Variants in GRIN3B observed in about 807,000 individuals in gnomAD.
GRIN3B encodes glutamate receptor ionotropic, NMDA 3B.
A neutral mutation model predicts 66.0 loss-of-function variants in GRIN3B; 77 were observed. That is an observed-to-expected ratio of 1.17 (90% CI 0.97 to 1.41). GRIN3B has a LOEUF of 1.41. Ranked by LOEUF, GRIN3B falls within the 40% of genes most tolerant of loss-of-function variation. The pLI is 0.00. For missense variants in GRIN3B, 1,787 were observed against 1,564.5 expected, an observed-to-expected ratio of 1.14 and a Z score of -2.40; for synonymous variants, 823 against 749.7, an observed-to-expected ratio of 1.10 and a Z score of -1.60.
At chr19:1,006,109 CAA>C (rs1286368532) in intron 3 of GRIN3B, among the ~76,000 whole-genome samples, 2 of 151,854 alleles carry the variant, frequency 1.3e-5, no homozygotes, top group Non-Finnish European at 2.9e-5. Context: ...CTTGGCCTCC[CAA>C]AGTGCTGGGA....
At chr19:1,006,419 C>G (rs2038749650) in intron 3 of GRIN3B, among the ~76,000 whole-genome samples, 2 of 151,336 alleles carry the variant, frequency 1.3e-5, no homozygotes, top group South Asian at 4.2e-4. Flanking sequence ...GCTGGGATCA[C>G]AGGTGTGAGC....
chr19:1,003,402 C>A lies in GRIN3B; in HGVS notation c.699C>A (p.Pro233=). 1 of 1,553,442 alleles carries A rather than the reference C, an allele frequency of 6.4e-7. No homozygotes were observed. The highest frequency in any genetic ancestry group is 8.7e-7 in the Non-Finnish European group (1 of 1,154,888). ...CAGTGGGGGGTGAAGCACCGGTACC[C>A]GCGGCGGTCCTCCTCGGCTGTGACA... ...AAPVGGEAPV[P]AAVLLGCDIA... Residue 233 remains proline (P), a synonymous_variant, in exon 2 of 9, where the codon CCC becomes CCA. Transcript: ENST00000234389.
In GRIN3B at chr19:1,008,771, C is replaced by T. The variant is rs1203397974; in HGVS notation, c.2620C>T (p.His874Tyr). 7.5e-6 allele frequency: 12 copies of T among 1,602,460 alleles called. No individual in the cohort carries two copies. The highest frequency in any genetic ancestry group is 5.4e-5 in the African/African-American group (4 of 74,492). Residue 874 changes from histidine to tyrosine, a missense_variant, in exon 7 of 9, where the codon CAC (histidine) becomes TAC (tyrosine). Transcript: ENST00000234389. Reference sequence around the variant, plus strand: ...GGGGAGCAGGCTGCAGTACTGGCTGCACACCAGCCAGGTGGGGAGCGGGTG... The same window carrying T: ...GGGGAGCAGGCTGCAGTACTGGCTGTACACCAGCCAGGTGGGGAGCGGGTG... Reference protein sequence around the residue: ...RKGSRLQYWLHTSQKIHRALN... With the variant: ...RKGSRLQYWLYTSQKIHRALN...
At chr19:1,002,967 G>C (rs1480451105) in intron 1 of GRIN3B, among the ~76,000 whole-genome samples, 163 bp from the exon 2 acceptor site, 2 of 152,174 alleles carry the variant, frequency 1.3e-5, no homozygotes, top group African/African-American at 4.8e-5. Context: ...GATGGTGATG[G>C]GGAACGATGG....
intron 1 of GRIN3B, chr19:1,002,587 T>C (rs1568389262): frequency 6.6e-6 from 1 of 152,568 alleles, no homozygotes; most frequent in Non-Finnish European, 1.5e-5. Flanking sequence ...TAGGGGAAGC[T>C]ACCTGGTTTG....
rs1013435036 is a variant in GRIN3B, at chr19:1,005,717, T to C, written c.2052+164T>C. ...ATTAATTTATTTATTTAAAGAAAAA[T>C]AGCCGGGCGCGGTGGCTCACGCCTG... On this transcript the variant is annotated intron_variant, in intron 3 of 8. Coordinates refer to ENST00000234389, the MANE Select transcript of GRIN3B (RefSeq NM_138690.3). This position sits in a 1 kb window ranked among gnomAD's most constrained non-coding sequence, Gnocchi z 5.2. 1.3e-5 allele frequency among the ~76,000 whole-genome samples: 2 copies of C among 152,078 alleles called. No homozygotes were observed. The highest frequency in any genetic ancestry group is 6.6e-5 in the Admixed American group (1 of 15,254).
chr19:1,004,163 A>G (rs1490173166), intron 2 of GRIN3B, among the ~76,000 whole-genome samples: 1 of 152,234 alleles, frequency 6.6e-6, no homozygotes, highest in East Asian at 1.9e-4. Context: ...TATCTCAGGG[A>G]CAGCAGAGAA....
At position 1,009,260 on chromosome 19, in the gene GRIN3B, G is replaced by T; in HGVS notation, c.2790G>T (p.Lys930Asn). 1 of 1,427,748 alleles carries T rather than the reference G, an allele frequency of 7.0e-7. No homozygotes were observed. The highest frequency in any genetic ancestry group is 9.1e-7 in the Non-Finnish European group (1 of 1,101,888). 88.4% of individuals were successfully genotyped at this position (1,427,748 alleles called of 1,614,324 possible). A position where few individuals can be genotyped will look rare whatever the true frequency, so the allele number is the denominator to read the frequency against. ...GWKRARRAVD[K>N]ERRVRFLLEP... ...AACGGGCGCGCCGGGCCGTGGACAA[G>T]GAGCGCCGCGTGCGCTTCCTGCTGG... Residue 930 changes from lysine (K) to asparagine (N), a missense_variant, in exon 9 of 9, where the codon AAG becomes AAT. Transcript: ENST00000234389.
At position 1,005,254 on chromosome 19, in the gene GRIN3B, C is replaced by T. The variant is rs762476750; in HGVS notation, c.1753C>T (p.Leu585=). The T allele has an allele frequency of 6.2e-7, 1 of 1,613,396 alleles. No homozygotes were observed. Among genetic ancestry groups the T allele is most frequent in the Non-Finnish European group, 8.5e-7 (1 of 1,179,912 alleles). The change falls in exon 3 of 9, where the codon CTG becomes TTG. Residue 585 remains leucine (L), a synonymous_variant. Transcript: ENST00000234389. This position sits in a 1 kb window ranked among gnomAD's most constrained non-coding sequence, Gnocchi z 5.2. ...CACGTGGCTGGGCGTCTTTGCGGCCCTGCACCTCACCGCGCTCTTCCTCAC... is the reference window on the plus strand; with the variant it reads ...CACGTGGCTGGGCGTCTTTGCGGCCTTGCACCTCACCGCGCTCTTCCTCAC... ...WSTWLGVFAA[L]HLTALFLTVY...
rs75794325 is a variant in GRIN3B at position 1,004,645 on chromosome 19, G to A, written c.1144G>A (p.Ala382Thr). 3.1e-6 allele frequency: 5 copies of A among 1,602,170 alleles called. No individual in the cohort carries two copies. In the South Asian group the frequency reaches 3.3e-5, roughly 11 times the overall value. ...TCGCCGGGACCCACGGGGCGCCCCG[G>A]CCTGGGCCACGGTGGGCAGCTGGCG... ...SLRRDPRGAP[A>T]WATVGSWRDG... The change falls in exon 3 of 9, where the codon GCC (alanine) becomes ACC (threonine). Residue 382 changes from alanine (A) to threonine (T), a missense_variant. Transcript: ENST00000234389.
At chr19:1,004,081 T>C (rs745952462) in intron 2 of GRIN3B, among the ~76,000 whole-genome samples, 10 of 152,188 alleles carry the variant, frequency 6.6e-5, no homozygotes, top group Non-Finnish European at 1.3e-4. Context: ...AGGGACCCTG[T>C]CTCAAACACA....
chr19:1,002,211 C>T (rs1028096719), intron 1 of GRIN3B: 9 of 151,908 alleles, frequency 5.9e-5, no homozygotes, highest in Admixed American at 5.9e-4. Context: ...TGCTTGTAAT[C>T]CCAGCTACTC....
In GRIN3B at chr19:1,004,631, C is replaced by A; in HGVS notation, c.1130C>A (p.Pro377Gln). ...HFKVWSLRRD[P>Q]RGAPAWATVG... ...AAGGTGTGGAGCCTTCGCCGGGACC[C>A]ACGGGGCGCCCCGGCCTGGGCCACG... is the stretch of plus-strand genomic sequence containing the variant. The change falls in exon 3 of 9, where the codon CCA (proline) becomes CAA (glutamine). Residue 377 changes from proline (P) to glutamine (Q), a missense_variant. Transcript: ENST00000234389. 6.2e-7 allele frequency: 1 copy of A among 1,601,924 alleles called. No homozygotes were observed. Among genetic ancestry groups the A allele is most frequent in the Non-Finnish European group, 8.5e-7 (1 of 1,174,912 alleles).
In GRIN3B at chr19:1,005,408, C is replaced by T. The variant is rs200178820; in HGVS notation, c.1907C>T (p.Thr636Met). 3.1e-5 allele frequency: 50 copies of T among 1,613,724 alleles called. No homozygotes were observed. The highest frequency in any genetic ancestry group is 2.4e-4 in the South Asian group (22 of 91,090). The change falls in exon 3 of 9, where the codon ACG (threonine) becomes ATG (methionine). Residue 636 changes from threonine to methionine, a missense_variant. By Grantham distance (81) the Thr-to-Met change is moderately conservative (BLOSUM62 -1). Transcript: ENST00000234389. This position sits in a 1 kb window ranked among gnomAD's most constrained non-coding sequence, Gnocchi z 5.2. ...TTCAGACGCACCGTGTCCAGCAAGA[C>T]GCCCAAGTGCCCCACGGGCCGCCTG... ...ILFRRTVSSK[T>M]PKCPTGRLLM... is the part of the protein sequence containing the mutation.
chr19:1,009,429 G>T lies in GRIN3B; in HGVS notation c.2959G>T (p.Glu987Ter). Residue 987 changes from glutamate (E) to a stop codon, truncating the protein, a stop_gained, in exon 9 of 9, where the codon GAG (glutamate) becomes TAG (stop). Coordinates refer to ENST00000234389, the MANE Select transcript of GRIN3B (RefSeq NM_138690.3). LOFTEE classifies it low-confidence loss of function (END_TRUNC). ...APQPGELQELERRIEVARERL... is the reference protein window; with the variant it reads ...APQPGELQEL ...CCAGCCCGGGGAGCTGCAGGAGCTG[G>T]AGCGCCGCATCGAAGTCGCGCGTGA... 6.9e-7 allele frequency: 1 copy of T among 1,454,786 alleles called. No homozygotes were observed. The highest frequency in any genetic ancestry group is 9.0e-7 in the Non-Finnish European group (1 of 1,110,098). The allele number at this position is 1,454,786 out of a possible 1,614,324, so 90.1% of individuals were successfully genotyped here. A position where few individuals can be genotyped will look rare whatever the true frequency, so the allele number is the denominator to read the frequency against.
chr19:1,003,690 C>T lies in GRIN3B; in HGVS notation c.987C>T (p.Ala329=), dbSNP rs774787585. The T allele has an allele frequency of 3.5e-5, 49 of 1,405,916 alleles. No homozygotes were observed. Among genetic ancestry groups the T allele is most frequent in the South Asian group, 1.2e-4 (8 of 65,020 alleles). 87.1% of individuals were successfully genotyped at this position (1,405,916 alleles called of 1,614,324 possible). The change falls in exon 2 of 9, where the codon GCC becomes GCT. Residue 329 remains alanine (A), a synonymous_variant. Coordinates refer to ENST00000234389, the MANE Select transcript of GRIN3B (RefSeq NM_138690.3). ...APVNCGDLQP[A]GPESPGRFLA... ...TCAACTGCGGGGACCTGCAGCCGGC[C>T]GGGCCCGAGTCCCCGGGGCGCTTCT... is the stretch of plus-strand genomic sequence containing the variant.
chr19:1,006,505 GATCTC>G (rs2038750678), intron 3 of GRIN3B, among the ~76,000 whole-genome samples: 1 of 151,834 alleles, frequency 6.6e-6, no homozygotes, highest in Non-Finnish European at 1.5e-5. Context: ...GGAGTGCAGT[GATCTC>G]AGCTCACCGC....
In GRIN3B at chr19:1,003,211, G is replaced by T; in HGVS notation, c.508G>T (p.Ala170Ser). 2 of 1,561,492 alleles carry T rather than the reference G, an allele frequency of 1.3e-6. No individual in the cohort carries two copies. The highest frequency in any genetic ancestry group is 1.7e-6 in the Non-Finnish European group (2 of 1,155,292). The change falls in exon 2 of 9, where the codon GCC becomes TCC. Residue 170 changes from alanine (A) to serine (S), a missense_variant. Ala to Ser is a moderately conservative substitution (Grantham distance 99). Transcript: ENST00000234389. Reference protein sequence around the residue: ...DVLVAVLQAHAWEDVGLALCR... With the variant: ...DVLVAVLQAHSWEDVGLALCR... ...GCTGGTGGCGGTGCTGCAGGCGCAC[G>T]CCTGGGAAGACGTCGGCCTGGCCCT...
rs2038777615 is a variant in GRIN3B, at chr19:1,008,074, C to A, written c.2315-66C>A. 29 of 1,562,384 alleles carry A rather than the reference C, an allele frequency of 1.9e-5. 2 individuals are homozygous for A. In the South Asian group the frequency reaches 3.3e-4, roughly 18 times the overall value. On this transcript the variant is annotated intron_variant, in intron 5 of 8. Transcript: ENST00000234389. ...CGAGGTGGGAAGGGGCGAAATCCCA[C>A]GTGTGCGGGCAGAGTTCCCCTGGGG...
Sources: allele counts gnomAD v4.1 joint callset (sites outside exome capture counted in the v4.1 genomes callset), GRCh38; gene constraint gnomAD v4.1.1; non-coding constraint Gnocchi (gnomAD v3.1); transcripts MANE v1.5; gene names NCBI Gene and HGNC (gene_info 2026-07-23, HGNC 2026-07-21).